The following RABGAP1L variants were observed in gnomAD, a reference collection of about 807,000 sequenced individuals.
RABGAP1L encodes RAB GTPase activating protein 1 like, also known as rab GTPase-activating protein 1-like.
In RABGAP1L, 63 loss-of-function variants were observed where a neutral mutation model predicts 137.7. That is an observed-to-expected ratio of 0.46 (90% CI 0.37 to 0.56). The LOEUF (loss-of-function observed/expected upper bound fraction) is 0.56, where lower values mean the gene tolerates loss of function less well. Ranked by LOEUF, RABGAP1L falls within the 20% of genes least tolerant of loss-of-function variation. The pLI is 0.00. For synonymous variants in RABGAP1L, 431 were observed against 433.7 expected (o/e 0.99, Z 0.08); for missense variants, 1,095 against 1,244.0 (o/e 0.88, Z 1.80).
intron 17 of RABGAP1L, among the ~76,000 whole-genome samples, chr1:174,725,899 A>G (rs332794): frequency 0.5 from 76,343 of 151,918 alleles, 21,865 homozygotes; most frequent in African/African-American, 0.8. Context: ...AATGGGTGCA[A>G]CACACCAACA....
chr1:174,712,164 C>T (rs994161231), intron 17 of RABGAP1L, among the ~76,000 whole-genome samples: 2 of 152,156 alleles, frequency 1.3e-5, no homozygotes, highest in Non-Finnish European at 2.9e-5. Context: ...CCAATCAGCT[C>T]TCTGTAAAAC....
At chr1:174,517,393 C>T (rs1348877820) in intron 13 of RABGAP1L, among the ~76,000 whole-genome samples, 1 of 152,104 alleles carries the variant, frequency 6.6e-6, no homozygotes, top group Admixed American at 6.6e-5. Flanking sequence ...AAGACTCCAT[C>T]TTTAAGAGAG....
At chr1:174,518,379 T>A (rs992989983) in intron 13 of RABGAP1L, among the ~76,000 whole-genome samples, 1 of 152,192 alleles carries the variant, frequency 6.6e-6, no homozygotes. Context: ...TAACATGTAA[T>A]CTACACACAT....
chr1:174,964,966 G>C (rs779460945), intron 20 of RABGAP1L: 2 of 1,500,766 alleles, frequency 1.3e-6, no homozygotes, highest in African/African-American at 2.8e-5. Flanking sequence ...AACAGTAGTT[G>C]GTCTATGACT....
intron 15 of RABGAP1L, among the ~76,000 whole-genome samples, chr1:174,695,081 T>C (rs544508291): frequency 7.9e-5 from 12 of 152,336 alleles, no homozygotes; most frequent in African/African-American, 2.9e-4. Context: ...TTGAGTTCAT[T>C]GTAGATTCTG....
rs578183582 is a variant in RABGAP1L at position 174,342,848 on chromosome 1, C to T, written c.1466-28131C>T. 6.3e-3 allele frequency among the ~76,000 whole-genome samples: 948 copies of T among 150,568 alleles called. 1 individual carries two copies. The highest frequency in any genetic ancestry group is 0.017 in the Middle Eastern group (5 of 292). ...CCGACTCCTGGGTTCAAGTGATTCT[C>T]CTTCCTCAGCCTCCTGAGTAGCTGG... On this transcript the variant is annotated intron_variant, in intron 11 of 25. Transcript: ENST00000681986.
intron 13 of RABGAP1L, among the ~76,000 whole-genome samples, chr1:174,606,443 G>A (rs1181754154): frequency 1.3e-5 from 2 of 152,160 alleles, no homozygotes; most frequent in African/African-American, 4.8e-5. Context: ...CATACCACGG[G>A]TTTATTTCAT....
chr1:174,169,867 T>A (rs1042610945), intron 1 of RABGAP1L, among the ~76,000 whole-genome samples: 2 of 151,898 alleles, frequency 1.3e-5, no homozygotes, highest in African/African-American at 2.4e-5. Context: ...GCTAATTTTT[T>A]AAATGGGAGT....
chr1:174,321,535 C>A (rs1007127838), intron 11 of RABGAP1L, among the ~76,000 whole-genome samples: 1 of 152,054 alleles, frequency 6.6e-6, no homozygotes, highest in Non-Finnish European at 1.5e-5. Context: ...TTTCTCAGAC[C>A]GGCCAACACG....
chr1:174,929,161 A>G (rs1243008602), intron 19 of RABGAP1L, among the ~76,000 whole-genome samples: 4 of 152,162 alleles, frequency 2.6e-5, no homozygotes, highest in African/African-American at 7.2e-5. Context: ...AAATGTATAC[A>G]TATGTAACAA....
intron 13 of RABGAP1L, among the ~76,000 whole-genome samples, chr1:174,560,711 C>T (rs913466377): frequency 2.6e-5 from 4 of 152,146 alleles, no homozygotes; most frequent in African/African-American, 9.7e-5. Context: ...CCATCCTCCC[C>T]TTCGCACCCT....
chr1:174,655,617 T>C (rs1451592973), intron 14 of RABGAP1L, among the ~76,000 whole-genome samples: 3 of 152,238 alleles, frequency 2.0e-5, no homozygotes, highest in African/African-American at 7.2e-5. Flanking sequence ...CCCATTGTAA[T>C]TAATAGGTAT....
intron 10 of RABGAP1L, among the ~76,000 whole-genome samples, chr1:174,281,627 A>G (rs1279150542): frequency 6.6e-6 from 1 of 152,248 alleles, no homozygotes; most frequent in African/African-American, 2.4e-5. Context: ...CCAGAGAACT[A>G]GAAAGACTGG....
intron 4 of RABGAP1L, 82 bp from the exon 5 acceptor site, chr1:174,241,401 T>TTAA: frequency 1.4e-6 from 1 of 721,614 alleles, no homozygotes; most frequent in Admixed American, 3.9e-5. Flanking sequence ...TCTTTTTTTT[T>TTAA]AAAAAAAAAA....
intron 7 of RABGAP1L, among the ~76,000 whole-genome samples, chr1:174,271,564 A>T (rs190709854): frequency 1.2e-4 from 19 of 152,210 alleles, no homozygotes; most frequent in African/African-American, 4.6e-4. Flanking sequence ...GACAGATTAC[A>T]TTGCTTCTCA....
intron 16 of RABGAP1L, among the ~76,000 whole-genome samples, chr1:174,701,422 A>T (rs1472204791): frequency 6.6e-6 from 1 of 152,146 alleles, no homozygotes; most frequent in Non-Finnish European, 1.5e-5. Flanking sequence ...CAAAGAGAAG[A>T]TACATTTCTT....
chr1:174,790,621 T>TG (rs1255883322), intron 18 of RABGAP1L, among the ~76,000 whole-genome samples: 1 of 104,024 alleles, frequency 9.6e-6, no homozygotes, highest in Non-Finnish European at 2.4e-5. Flanking sequence ...GCGACAAAAG[T>TG]GAAAAAAAAA....
At chr1:174,351,431 T>A (rs1683179552) in intron 11 of RABGAP1L, among the ~76,000 whole-genome samples, 1 of 152,218 alleles carries the variant, frequency 6.6e-6, no homozygotes, top group Admixed American at 6.5e-5. Flanking sequence ...GGAAGGCTAT[T>A]TTCACTGAAT....
At chr1:174,275,718 C>T (rs1674941489) in intron 8 of RABGAP1L, 115 bp from the exon 9 acceptor site, 1 of 660,534 alleles carries the variant, frequency 1.5e-6, no homozygotes, top group Non-Finnish European at 2.5e-6. Context: ...TATAAAGCTC[C>T]TGCTTGACTG....
Sources: gnomAD v4.1 joint callset for allele counts (sites outside exome capture counted in the v4.1 genomes callset) on GRCh38, gnomAD v4.1.1 for gene constraint, MANE v1.5 for transcripts, NCBI Gene and HGNC (gene_info 2026-07-23, HGNC 2026-07-21) for gene names.